VRK2: variants seen among roughly 807,000 people sequenced by gnomAD.
VRK2 encodes serine/threonine-protein kinase VRK2.
VRK2 carries 60 observed loss-of-function variants against 57.6 expected under a neutral mutation model. The observed-to-expected ratio is 1.04, with a 90% CI of 0.85 to 1.29. The LOEUF is 1.29. Ranked by LOEUF, VRK2 falls within the 50% of genes most tolerant of loss-of-function variation. The probability of loss-of-function intolerance (pLI) is 0.00; values close to 1 mark genes in which losing one functional copy is unlikely to be tolerated. For missense variants in VRK2, 705 were observed against 588.1 expected, an observed-to-expected ratio of 1.20 and a Z score of -2.06; for synonymous variants, 231 against 199.2, an observed-to-expected ratio of 1.16 and a Z score of -1.35.
intron 12 of VRK2, among the ~76,000 whole-genome samples, chr2:58,156,069 G>A (rs1179903588): frequency 6.6e-6 from 1 of 151,928 alleles, no homozygotes; most frequent in Non-Finnish European, 1.5e-5. Flanking sequence ...TGTTTTGATA[G>A]GTGCTTTTTG....
At chr2:58,081,857 CGTGTGTGTGTGTGT>C (rs369430200) in intron 2 of VRK2, among the ~76,000 whole-genome samples, 20 of 142,120 alleles carry the variant, frequency 1.4e-4, no homozygotes, top group Admixed American at 2.1e-4. Flanking sequence ...ATACCATGTC[CGTGTGTGTGTGTGT>C]GTGTGTGTGT....
chr2:58,038,135 T>C (rs1188589724), intron 3 of VRK2, among the ~76,000 whole-genome samples: 1 of 152,072 alleles, frequency 6.6e-6, no homozygotes, highest in African/African-American at 2.4e-5. Flanking sequence ...TCATCTCGAA[T>C]TGTAATCCTC....
At chr2:58,156,467 C>CT (rs1039030399) in intron 12 of VRK2, among the ~76,000 whole-genome samples, 1 of 152,170 alleles carries the variant, frequency 6.6e-6, no homozygotes, top group Non-Finnish European at 1.5e-5. Flanking sequence ...TCTTATTTCT[C>CT]TGAGTTCCAA....
Position 58,037,000 on chromosome 2 carries a change from G to A in VRK2, c.-6+3447G>A, listed in dbSNP as rs566965505. ...GTTGCCTAGTCTGGAGTGTAGTGGT[G>A]CAGTCACTACTCACTGTAGTCTTGT... On this transcript the variant is annotated intron_variant, in intron 3 of 15. Transcript: ENST00000417641. 7.2e-5 allele frequency among the ~76,000 whole-genome samples: 11 copies of A among 151,948 alleles called. No individual in the cohort carries two copies. The South Asian group carries it at 1.2e-3, about 17-fold the overall frequency.
At chr2:58,088,315 C>A (rs1671915572) in intron 5 of VRK2, 26 bp from the exon 6 acceptor site, 4 of 1,489,984 alleles carry the variant, frequency 2.7e-6, no homozygotes, top group Admixed American at 3.8e-5. Context: ...TCAGGATGAT[C>A]TCTTTTTGAT....
rs552300837 is a variant in VRK2, at chr2:57,945,547, C to T, written c.-439+37708C>T. Among the ~76,000 whole-genome samples the T allele has an allele frequency of 2.6e-5, 4 of 152,280 alleles. No individual in the cohort carries two copies. In the South Asian group the frequency reaches 8.3e-4, roughly 32 times the overall value. On this transcript the variant is annotated intron_variant, in intron 1 of 15. Transcript: ENST00000417641. Reference sequence around the variant, plus strand: ...TATTTTAAATTCTCATCATGCTATTCACTCTACTTGAAATATCTTTCCTAT... The same window carrying T: ...TATTTTAAATTCTCATCATGCTATTTACTCTACTTGAAATATCTTTCCTAT...
intron 12 of VRK2, among the ~76,000 whole-genome samples, chr2:58,150,562 G>GTTTTTTTTTT (rs35146685): frequency 1.0e-5 from 1 of 95,586 alleles, no homozygotes; most frequent in Non-Finnish European, 2.2e-5. Context: ...TTTTTTTTTA[G>GTTTTTTTTTT]TTTTTTTTTT....
chr2:58,129,627 TTTAA>T (rs1391777876), intron 8 of VRK2, among the ~76,000 whole-genome samples: 7 of 152,202 alleles, frequency 4.6e-5, no homozygotes, highest in African/African-American at 7.2e-5. Context: ...AACATTTGTT[TTTAA>T]TTAATTTAAC....
At chr2:57,947,677 G>A (rs1483691186) in intron 1 of VRK2, among the ~76,000 whole-genome samples, 2 of 152,126 alleles carry the variant, frequency 1.3e-5, no homozygotes, top group Non-Finnish European at 2.9e-5. Context: ...ATATATCTCA[G>A]GATGCAAACA....
Position 57,964,087 on chromosome 2 carries a change from C to G in VRK2, c.-439+56248C>G, listed in dbSNP as rs562491766. 1.4e-4 allele frequency among the ~76,000 whole-genome samples: 21 copies of G among 152,236 alleles called. 1 individual carries two copies. Among genetic ancestry groups the G allele is most frequent in the African/African-American group, 4.8e-4 (20 of 41,524 alleles). On this transcript the variant is annotated intron_variant, in intron 1 of 15. Coordinates refer to the VRK2 transcript ENST00000417641. ...TCAAACAAAGATGAGGGTTAGGGAG[C>G]TAGCCCCTTCCCCTCTCCCCCAACA...
Position 57,935,830 on chromosome 2 carries a change from T to A in VRK2, c.-439+27991T>A, listed in dbSNP as rs1435410331. ...AACTGCAGACTAAAGGGGACACTCT[T>A]GACAATGAGCTGTGCTGCCTTGGAG... On this transcript the variant is annotated intron_variant, in intron 1 of 15. Transcript: ENST00000417641. Among the ~76,000 whole-genome samples the A allele has an allele frequency of 3.3e-5, 5 of 152,332 alleles. No individual in the cohort carries two copies. The South Asian group carries it at 8.3e-4, about 25-fold the overall frequency.
At chr2:57,968,147 C>A (rs985723641) in intron 1 of VRK2, among the ~76,000 whole-genome samples, 1 of 151,708 alleles carries the variant, frequency 6.6e-6, no homozygotes, top group Non-Finnish European at 1.5e-5. Flanking sequence ...GAAAAGCCAA[C>A]CTGAAACTGC....
At chr2:57,961,868 G>T (rs1040727072) in intron 1 of VRK2, among the ~76,000 whole-genome samples, 3 of 152,104 alleles carry the variant, frequency 2.0e-5, no homozygotes, top group African/African-American at 7.2e-5. Flanking sequence ...CTTGAGCCCA[G>T]AAGTTGGAGA....
At chr2:58,052,180 G>C (rs1471788859) in intron 2 of VRK2, among the ~76,000 whole-genome samples, 1 of 152,034 alleles carries the variant, frequency 6.6e-6, no homozygotes, top group East Asian at 1.9e-4. Context: ...TTAATCCTTT[G>C]GGTTGTTTCT....
chr2:58,148,298 G>A (rs948529664), intron 12 of VRK2, among the ~76,000 whole-genome samples: 2 of 151,688 alleles, frequency 1.3e-5, no homozygotes, highest in African/African-American at 2.4e-5. Flanking sequence ...GCACTTTCAC[G>A]TTTTTACTGA....
intron 7 of VRK2, among the ~76,000 whole-genome samples, chr2:58,108,147 C>A (rs1675025549): frequency 6.6e-6 from 1 of 152,100 alleles, no homozygotes; most frequent in Non-Finnish European, 1.5e-5. Flanking sequence ...TCTCTCCTTC[C>A]TCTTCTTACT....
At chr2:58,152,449 T>C (rs1312858788) in intron 12 of VRK2, among the ~76,000 whole-genome samples, 2 of 151,926 alleles carry the variant, frequency 1.3e-5, no homozygotes, top group Non-Finnish European at 2.9e-5. Context: ...TCAGAATGCA[T>C]TGGTATTGTT....
At chr2:57,953,055 G>T (rs1671476615) in intron 1 of VRK2, among the ~76,000 whole-genome samples, 1 of 152,224 alleles carries the variant, frequency 6.6e-6, no homozygotes, top group Non-Finnish European at 1.5e-5. Flanking sequence ...TAGCCAAGCA[G>T]CTCAGAGTTG....
intron 1 of VRK2, among the ~76,000 whole-genome samples, chr2:57,947,840 C>G (rs780483329): frequency 3.3e-5 from 5 of 152,146 alleles, no homozygotes; most frequent in Non-Finnish European, 5.9e-5. Context: ...CAAATTATAT[C>G]ATTCTCGTAA....
Sources: gnomAD v4.1 joint callset for allele counts (sites outside exome capture counted in the v4.1 genomes callset) on GRCh38, gnomAD v4.1.1 for gene constraint, MANE v1.5 for transcripts, NCBI Gene and HGNC (gene_info 2026-07-23, HGNC 2026-07-21) for gene names.